CKAP2: variants seen among roughly 807,000 people sequenced by gnomAD.
CKAP2 encodes cytoskeleton associated protein 2, also known as cytoskeleton-associated protein 2.
CKAP2 carries 46 observed loss-of-function variants against 58.4 expected under a neutral mutation model. That is an observed-to-expected ratio of 0.79 (90% confidence interval 0.62 to 1.01). The LOEUF (loss-of-function observed/expected upper bound fraction) is 1.01. CKAP2 is among the 50% of genes least tolerant of loss of function. CKAP2 has a pLI of 0.00. For missense variants in CKAP2, 809 were observed against 796.4 expected (o/e 1.02, Z -0.19); for synonymous variants, 293 against 280.9 (o/e 1.04, Z -0.43).
intron 5 of CKAP2, among the ~76,000 whole-genome samples, chr13:52,464,785 A>G (rs1458471037): frequency 6.6e-6 from 1 of 152,182 alleles, no homozygotes; most frequent in Non-Finnish European, 1.5e-5. Context: ...AATTCAAGGT[A>G]TGATTTCAAA....
Position 52,475,028 on chromosome 13 carries a change from C to T in CKAP2, c.1936C>T (p.Pro646Ser), listed in dbSNP as rs560153606. ...GCCAGATATGTTAAAAGATCATTAT[C>T]CTTGTGTGTCTTCATTGGAACAGCT... ...KLPDMLKDHY[P>S]CVSSLEQLTE... Residue 646 changes from proline to serine, a missense_variant, in exon 9 of 9, where the codon CCT (proline) becomes TCT (serine). Physicochemically the swap from Pro to Ser is moderately conservative, Grantham distance 74 (BLOSUM62 -1). Transcript: ENST00000258607. 1.9e-6 allele frequency: 3 copies of T among 1,614,152 alleles called. No homozygotes were observed. The highest frequency in any genetic ancestry group is 1.7e-5 in the Admixed American group (1 of 60,018).
intron 5 of CKAP2, among the ~76,000 whole-genome samples, chr13:52,464,481 A>G (rs1290612344): frequency 1.4e-5 from 2 of 144,358 alleles, no homozygotes; most frequent in Admixed American, 7.4e-5. Context: ...TGAACCTGGG[A>G]GGCAGAGGTT....
At chr13:52,464,502 G>A (rs1319003692) in intron 5 of CKAP2, among the ~76,000 whole-genome samples, 2 of 145,290 alleles carry the variant, frequency 1.4e-5, no homozygotes, top group African/African-American at 2.6e-5. Flanking sequence ...GCAGTGAGCC[G>A]AGATTGTGCC....
At chr13:52,461,979 G>T in intron 4 of CKAP2, 53 bp downstream of exon 4, 1 of 1,435,448 alleles carries the variant, frequency 7.0e-7, no homozygotes, top group African/African-American at 1.4e-5. Flanking sequence ...AGTACTGTTT[G>T]TAGATTTGGA....
Position 52,475,113 on chromosome 13 carries a change from G to T in CKAP2, c.2021G>T (p.Arg674Leu). ...FVCRPNAALC[R>L]VYYEADTT ...TGCCGCCCTAATGCAGCACTGTGCC[G>T]GGTGTACTATGAGGCTGATACAACA... Residue 674 changes from arginine to leucine, a missense_variant, in exon 9 of 9, where the codon CGG (arginine) becomes CTG (leucine). This residue lies in a region of CKAP2 where 283 missense variants were observed against 287.6 expected (regional missense o/e 0.98). Coordinates refer to ENST00000258607, the MANE Select transcript of CKAP2 (RefSeq NM_018204.5). The T allele has an allele frequency of 6.2e-7, 1 of 1,614,164 alleles. No homozygotes were observed. The highest frequency in any genetic ancestry group is 1.1e-5 in the South Asian group (1 of 91,062).
intron 5 of CKAP2, among the ~76,000 whole-genome samples, chr13:52,464,065 T>C (rs1054883214): frequency 2.0e-5 from 3 of 152,226 alleles, no homozygotes; most frequent in Non-Finnish European, 4.4e-5. Flanking sequence ...TTGATTTCTC[T>C]GAGCTAATTA....
In CKAP2 at chr13:52,460,926, G is replaced by T; in HGVS notation, c.183G>T (p.Glu61Asp). The T allele has an allele frequency of 6.2e-7, 1 of 1,613,186 alleles. No individual in the cohort carries two copies. The change falls in exon 3 of 9, where the codon GAG (glutamate) becomes GAT (aspartate). Residue 61 changes from glutamate (E) to aspartate (D), a missense_variant. Around this residue, in one of 3 missense-constraint regions of CKAP2, gnomAD observed 523 missense variants for 492.4 expected, o/e 1.06. Coordinates refer to ENST00000258607, the MANE Select transcript of CKAP2 (RefSeq NM_018204.5). The stretch of plus-strand genomic sequence containing the variant: ...GAGATCAGAGAGTTGTGACATCTGA[G>T]GACCAAGTTCAAGAAGGGACTAAAG... ...SSRDQRVVTSEDQVQEGTKVL... is the reference protein window; with the variant it reads ...SSRDQRVVTSDDQVQEGTKVL...
chr13:52,455,555 C>T lies in CKAP2; in HGVS notation c.-2C>T, dbSNP rs1446986321. 6.2e-7 allele frequency: 1 copy of T among 1,612,674 alleles called. No individual in the cohort carries two copies. Among genetic ancestry groups the T allele is most frequent in the African/African-American group, 1.3e-5 (1 of 74,906 alleles). On this transcript the variant is annotated 5_prime_UTR_variant, in exon 1 of 9. The change creates a new upstream start codon in the 5' untranslated region. Coordinates refer to ENST00000258607, the MANE Select transcript of CKAP2 (RefSeq NM_018204.5). Reference sequence around the variant, plus strand: ...AGACGCATCCCCCGACCCGAGGCTACGATGAGCACACCGGCCGTGCCCCAG... The same window carrying T: ...AGACGCATCCCCCGACCCGAGGCTATGATGAGCACACCGGCCGTGCCCCAG...
In CKAP2 at chr13:52,459,303, AAT is replaced by A. The variant is rs376021112; in HGVS notation, c.156-1581_156-1580del. Among the ~76,000 whole-genome samples the A allele has an allele frequency of 2.2e-3, 337 of 151,098 alleles. 2 individuals carry two copies. The highest frequency in any genetic ancestry group is 4.1e-3 in the Non-Finnish European group (280 of 67,690). ...AACTACTAAATTATGTCAAATGTAAAATATATATATATATATTTTGTTTTGTT... is the reference window on the plus strand; with the variant it reads ...AACTACTAAATTATGTCAAATGTAAAATATATATATATATTTTGTTTTGTT... On this transcript the variant is annotated intron_variant, in intron 2 of 8. Transcript: ENST00000258607.
intron 7 of CKAP2, among the ~76,000 whole-genome samples, chr13:52,468,976 A>ATACTCCCACCAACAATGTAAACGC (rs1374575058): frequency 1.1e-4 from 17 of 152,166 alleles, no homozygotes; most frequent in Non-Finnish European, 2.5e-4. Context: ...TGGTTGAACT[A>ATACTCCCACCAACAATGTAAACGC]ATTTATACTC....
At chr13:52,458,460 TTTAAA>T (rs779330252) in intron 2 of CKAP2, among the ~76,000 whole-genome samples, 2 of 152,198 alleles carry the variant, frequency 1.3e-5, no homozygotes, top group Non-Finnish European at 2.9e-5. Flanking sequence ...CAACCACTTA[TTTAAA>T]TAAAGAATCC....
chr13:52,475,008 A>G lies in CKAP2; in HGVS notation c.1916A>G (p.Asp639Gly). ...RLQEKTSKLP[D>G]MLKDHYPCVS... ...CAAGAGAAAACTTCTAAATTGCCAG[A>G]TATGTTAAAAGATCATTATCCTTGT... Residue 639 changes from aspartate to glycine, a missense_variant, in exon 9 of 9, where the codon GAT (aspartate) becomes GGT (glycine). Physicochemically the swap from Asp to Gly is moderately conservative, Grantham distance 94 (BLOSUM62 -1). This residue lies in a region of CKAP2 where 283 missense variants were observed against 287.6 expected (regional missense o/e 0.98). Coordinates refer to ENST00000258607, the MANE Select transcript of CKAP2 (RefSeq NM_018204.5). The G allele has an allele frequency of 1.2e-6, 2 of 1,614,192 alleles. No individual in the cohort carries two copies. Among genetic ancestry groups the G allele is most frequent in the Non-Finnish European group, 8.5e-7 (1 of 1,180,030 alleles).
rs1958722800 is a variant in CKAP2 at position 52,469,096 on chromosome 13, T to C, written c.1546+749T>C. 2.0e-5 allele frequency among the ~76,000 whole-genome samples: 3 copies of C among 152,228 alleles called. No individual in the cohort carries two copies. In the South Asian group the frequency reaches 6.2e-4, roughly 32 times the overall value. ...TGACTGGTGTGAGATGGTATTTCAT[T>C]GTGAATTGTAGTTTTATTGTTTCTT... On this transcript the variant is annotated intron_variant, in intron 7 of 8. Coordinates refer to ENST00000258607, the MANE Select transcript of CKAP2 (RefSeq NM_018204.5).
At chr13:52,470,996 A>G (rs1958754396) in intron 7 of CKAP2, among the ~76,000 whole-genome samples, 1 of 152,066 alleles carries the variant, frequency 6.6e-6, no homozygotes, top group Non-Finnish European at 1.5e-5. Flanking sequence ...CGTCTCCACT[A>G]AAAATACAAA....
intron 7 of CKAP2, among the ~76,000 whole-genome samples, chr13:52,473,325 T>C (rs1958784801): frequency 6.6e-6 from 1 of 152,190 alleles, no homozygotes; most frequent in African/African-American, 2.4e-5. Context: ...TTCTTTCATA[T>C]AAAGCTCATT....
In CKAP2 at chr13:52,475,334, C is replaced by T; in HGVS notation, c.*193C>T. On this transcript the variant is annotated 3_prime_UTR_variant, in exon 9 of 9. Transcript: ENST00000258607. ...CCTCTACATTGGAAAGCTAATCCTACCTTGTCAGTTTCAACCAACTGAGTT... is the reference window on the plus strand; with the variant it reads ...CCTCTACATTGGAAAGCTAATCCTATCTTGTCAGTTTCAACCAACTGAGTT... 1.5e-6 allele frequency: 1 copy of T among 647,744 alleles called. No individual in the cohort carries two copies. The highest frequency in any genetic ancestry group is 2.4e-6 in the Non-Finnish European group (1 of 410,766). The allele number at this position is 647,744 out of a possible 1,614,324, so 40.1% of individuals were successfully genotyped here.
rs1443466146 is a variant in CKAP2, at chr13:52,461,657, T to C, written c.831T>C (p.Asn277=). 2 of 1,614,042 alleles carry C rather than the reference T, an allele frequency of 1.2e-6. No homozygotes were observed. Among genetic ancestry groups the C allele is most frequent in the African/African-American group, 1.3e-5 (1 of 74,916 alleles). The part of the protein sequence containing the change: ...VKQGISRTSA[N]VTIRKGPHEK... ...AAGGCATCAGTAGAACTTCTGCCAA[T>C]GTTACAATCCGGAAAGGGCCTCATG... The change falls in exon 4 of 9, where the codon AAT becomes AAC. Residue 277 remains asparagine (N), a synonymous_variant. Coordinates refer to ENST00000258607, the MANE Select transcript of CKAP2 (RefSeq NM_018204.5).
rs1163621912 is a variant in CKAP2 at position 52,462,452 on chromosome 13, A to C, written c.1190A>C (p.Gln397Pro). Residue 397 changes from glutamine to proline, a missense_variant, in exon 5 of 9, where the codon CAA (glutamine) becomes CCA (proline). Gln to Pro is a moderately conservative substitution (Grantham distance 76). Coordinates refer to ENST00000258607, the MANE Select transcript of CKAP2 (RefSeq NM_018204.5). ...SVVTQHEPAG[Q>P]NEKPVGSFWT... ...GTTACTCAGCATGAGCCTGCAGGAC[A>C]AAATGAAAAACCAGTTGGGTCTTTT... is the stretch of plus-strand genomic sequence containing the variant. The C allele has an allele frequency of 2.5e-6, 4 of 1,614,144 alleles. No individual in the cohort carries two copies. The highest frequency in any genetic ancestry group is 3.4e-6 in the Non-Finnish European group (4 of 1,180,006).
At chr13:52,459,176 C>T (rs935176973) in intron 2 of CKAP2, among the ~76,000 whole-genome samples, 2 of 152,130 alleles carry the variant, frequency 1.3e-5, no homozygotes, top group African/African-American at 4.8e-5. Flanking sequence ...GATCTTCCTT[C>T]ACCATTGTTC....
Sources: gnomAD v4.1 joint callset for allele counts (sites outside exome capture counted in the v4.1 genomes callset) on GRCh38, gnomAD v4.1.1 for gene constraint, gnomAD v4.1.1 regional missense constraint, MANE v1.5 for transcripts, NCBI Gene and HGNC (gene_info 2026-07-23, HGNC 2026-07-21) for gene names.